Variants in FIGNL2 observed in about 807,000 individuals in gnomAD.
The protein encoded by FIGNL2 is fidgetin like 2, also known as fidgetin-like protein 2.
For synonymous variants in FIGNL2, 565 were observed against 484.0 expected (o/e 1.17, Z -2.20); for missense variants, 1,060 against 950.2 (o/e 1.12, Z -1.52).
At position 51,820,297 on chromosome 12, in the gene FIGNL2, G is replaced by GAA; in HGVS notation, c.*153_*154dup. ...CTGGCAGAAGCATTTTCCTTCCCAC[G>GAA]AAAAAAAAAATATCCACCGGCAGAC... On this transcript the variant is annotated 3_prime_UTR_variant, in exon 2 of 2. Transcript: ENST00000618634. The GAA allele has an allele frequency of 1.2e-5, 11 of 917,138 alleles. No homozygotes were observed. Among genetic ancestry groups the GAA allele is most frequent in the African/African-American group, 1.8e-5 (1 of 56,334 alleles). The allele number at this position is 917,138 out of a possible 1,614,324, so 56.8% of individuals were successfully genotyped here. A position where few individuals can be genotyped will look rare whatever the true frequency, so the allele number is the denominator to read the frequency against.
intron 1 of FIGNL2, among the ~76,000 whole-genome samples, chr12:51,834,115 G>GAATGGACA (rs1939535794): frequency 6.7e-6 from 1 of 148,470 alleles, no homozygotes; most frequent in African/African-American, 2.6e-5. Context: ...ATGGTTGGAT[G>GAATGGACA]GATGGATGGA....
intron 1 of FIGNL2, among the ~76,000 whole-genome samples, chr12:51,834,553 T>C (rs139550852): frequency 8.8e-4 from 134 of 152,300 alleles, no homozygotes; most frequent in African/African-American, 3.1e-3. Flanking sequence ...CTGGCTCCTC[T>C]CTGGGGTGGG....
rs140978250 is a variant in FIGNL2 at position 51,822,957 on chromosome 12, T to C, written c.-11-533A>G. Among the ~76,000 whole-genome samples, 13 of 152,344 alleles carry C rather than the reference T, an allele frequency of 8.5e-5. No individual in the cohort carries two copies. The East Asian group carries it at 2.5e-3, about 29-fold the overall frequency. Reference sequence around the variant, plus strand: ...CCAGAAGTTTGTTATTCCTAAATGCTCTGTTCACCTCAGCCCTTCCTGAGA... The same window carrying C: ...CCAGAAGTTTGTTATTCCTAAATGCCCTGTTCACCTCAGCCCTTCCTGAGA... On this transcript the variant is annotated intron_variant, in intron 1 of 1. Transcript: ENST00000618634.
chr12:51,821,666 A>AGGCGGTG lies in FIGNL2; in HGVS notation c.741_747dup (p.Tyr250HisfsTer45). The AGGCGGTG allele has an allele frequency of 7.1e-7, 1 of 1,412,670 alleles. No homozygotes were observed. The allele number at this position is 1,412,670 out of a possible 1,614,324, so 87.5% of individuals were successfully genotyped here. On this transcript the variant is annotated frameshift_variant, in exon 2 of 2. Transcript: ENST00000618634. LOFTEE classifies it low-confidence loss of function (END_TRUNC). ...CCCGGCGCGGCCGTGGGGAAGCCATAGGCGGTGGGCGGTGCCGGCGCGGGC... is the reference window on the plus strand; with the variant it reads ...CCCGGCGCGGCCGTGGGGAAGCCATAGGCGGTGGGCGGTGGGCGGTGCCGGCGCGGGC...
intron 1 of FIGNL2, chr12:51,848,217 A>C: frequency 1.0e-6 from 1 of 982,042 alleles, no homozygotes; most frequent in Non-Finnish European, 1.2e-6. Context: ...CCCCCAGGCC[A>C]GCAGACGCCC....
Position 51,821,163 on chromosome 12 carries a change from G to C in FIGNL2, c.1251C>G (p.Ala417=). The part of the protein sequence containing the change: ...ELVWPLLRPP[A]YPGSLRPPRT... ...GCGGCGGGCGCAGGCTGCCCGGGTA[G>C]GCGGGCGGCCTGAGCAGGGGCCACA... The change falls in exon 2 of 2, where the codon GCC becomes GCG. Residue 417 remains alanine (A), a synonymous_variant. Coordinates refer to ENST00000618634, the MANE Select transcript of FIGNL2 (RefSeq NM_001384995.1). The C allele has an allele frequency of 6.8e-7, 1 of 1,476,928 alleles. No homozygotes were observed. The highest frequency in any genetic ancestry group is 8.9e-7 in the Non-Finnish European group (1 of 1,124,762). 91.5% of individuals were successfully genotyped at this position (1,476,928 alleles called of 1,614,324 possible). A position where few individuals can be genotyped will look rare whatever the true frequency, so the allele number is the denominator to read the frequency against.
chr12:51,824,221 C>T (rs595057), intron 1 of FIGNL2: 130,183 of 151,778 alleles, frequency 0.86, 56,033 homozygotes, highest in East Asian at 0.98. Flanking sequence ...ACCATCCATA[C>T]ACTTTGAGTC....
intron 1 of FIGNL2, among the ~76,000 whole-genome samples, chr12:51,830,992 C>T (rs978184938): frequency 2.0e-5 from 3 of 151,924 alleles, no homozygotes; most frequent in African/African-American, 7.3e-5. Context: ...TTTGTACAGA[C>T]AGAGTTTCAC....
At chr12:51,824,662 C>G (rs996535774) in intron 1 of FIGNL2, among the ~76,000 whole-genome samples, 1 of 152,188 alleles carries the variant, frequency 6.6e-6, no homozygotes, top group African/African-American at 2.4e-5. Context: ...CTCCAAAGAT[C>G]AGAGGCATTA....
chr12:51,824,313 C>T (rs188313678), intron 1 of FIGNL2: 1 of 152,310 alleles, frequency 6.6e-6, no homozygotes, highest in Admixed American at 6.5e-5. Context: ...GAAGATAACC[C>T]GGTGGCTTCT....
chr12:51,841,591 TG>T (rs1939661984), intron 1 of FIGNL2: 1 of 152,206 alleles, frequency 6.6e-6, no homozygotes, highest in African/African-American at 2.4e-5. Context: ...CCTCCTTTCT[TG>T]AACCCCCTCC....
intron 1 of FIGNL2, among the ~76,000 whole-genome samples, chr12:51,824,683 AAG>A (rs572261600): frequency 3.2e-4 from 48 of 152,306 alleles, no homozygotes; most frequent in African/African-American, 1.0e-3. Flanking sequence ...CCTGGTGTGA[AAG>A]AGGGTAATTT....
At chr12:51,826,533 G>A (rs908061052) in intron 1 of FIGNL2, among the ~76,000 whole-genome samples, 7 of 151,460 alleles carry the variant, frequency 4.6e-5, no homozygotes, top group Non-Finnish European at 8.8e-5. Flanking sequence ...CAGCTACTTG[G>A]GAGGCTGAGG....
chr12:51,836,405 G>A (rs1047004043), intron 1 of FIGNL2, among the ~76,000 whole-genome samples: 1 of 152,064 alleles, frequency 6.6e-6, no homozygotes, highest in Non-Finnish European at 1.5e-5. Context: ...ACAGATGGGG[G>A]CCAGCAGAGA....
At chr12:51,841,043 C>A (rs1331228225) in intron 1 of FIGNL2, among the ~76,000 whole-genome samples, 1 of 152,246 alleles carries the variant, frequency 6.6e-6, no homozygotes, top group African/African-American at 2.4e-5. Context: ...GAAACAGGCC[C>A]AGGCAGCCCA....
Position 51,820,704 on chromosome 12 carries a change from C to T in FIGNL2, c.1710G>A (p.Ala570=). Reference sequence around the variant, plus strand: ...TGAGCGCGCAGCCCTGCTGGGCCAGCGCCCGCTGCAGGATCTGCCCGCGGG... The same window carrying T: ...TGAGCGCGCAGCCCTGCTGGGCCAGTGCCCGCTGCAGGATCTGCCCGCGGG... The part of the protein sequence containing the change: ...SPARGQILQR[A]LAQQGCALSE... Residue 570 remains alanine (A), a synonymous_variant, in exon 2 of 2, where the codon GCG becomes GCA. Coordinates refer to ENST00000618634, the MANE Select transcript of FIGNL2 (RefSeq NM_001384995.1). 2.0e-6 allele frequency: 3 copies of T among 1,487,010 alleles called. No homozygotes were observed. The highest frequency in any genetic ancestry group is 2.3e-5 in the Admixed American group (1 of 43,630). The allele number at this position is 1,487,010 out of a possible 1,614,324, so 92.1% of individuals were successfully genotyped here.
Position 51,820,209 on chromosome 12 carries a change from T to C in FIGNL2, c.*243A>G, listed in dbSNP as rs1939137970. ...ATCTGCCCGGTCTGCCGGGCGGAGA[T>C]GGCGAGCTTCCAGTCCACAATAAAT... On this transcript the variant is annotated 3_prime_UTR_variant, in exon 2 of 2. Transcript: ENST00000618634. 1.9e-6 allele frequency: 1 copy of C among 522,622 alleles called. No homozygotes were observed. The allele number at this position is 522,622 out of a possible 1,614,324, so 32.4% of individuals were successfully genotyped here. A position where few individuals can be genotyped will look rare whatever the true frequency, so the allele number is the denominator to read the frequency against.
intron 1 of FIGNL2, among the ~76,000 whole-genome samples, chr12:51,830,664 T>G (rs749210827): frequency 1.3e-5 from 2 of 151,156 alleles, no homozygotes; most frequent in Non-Finnish European, 3.0e-5. Context: ...GCTAATTTTC[T>G]GTATTTTTAG....
chr12:51,834,087 A>ATGGGTG (rs1565946347), intron 1 of FIGNL2, among the ~76,000 whole-genome samples: 1 of 128,954 alleles, frequency 7.8e-6, no homozygotes. Flanking sequence ...ATAGACAGAC[A>ATGGGTG]GACGGATGGG....
Sources: allele counts gnomAD v4.1 joint callset (sites outside exome capture counted in the v4.1 genomes callset), GRCh38; gene constraint gnomAD v4.1.1; transcripts MANE v1.5; gene names NCBI Gene and HGNC (gene_info 2026-07-23, HGNC 2026-07-21).